The following NFATC3 variants were observed in gnomAD, a reference collection of about 807,000 sequenced individuals.
NFATC3 encodes nuclear factor of activated T cells 3.
A neutral mutation model predicts 98.6 loss-of-function variants in NFATC3; 46 were observed. The observed-to-expected ratio is 0.47, with a 90% CI of 0.37 to 0.60. The LOEUF (loss-of-function observed/expected upper bound fraction) is 0.60. Among genes scored for constraint, NFATC3 ranks in the 20% least tolerant of loss-of-function variants. The pLI, the probability that NFATC3 is intolerant of heterozygous loss-of-function variation, is 0.00. For missense variants in NFATC3, 1,256 were observed against 1,295.5 expected, an observed-to-expected ratio of 0.97 and a Z score of 0.47; for synonymous variants, 512 against 472.2, an observed-to-expected ratio of 1.08 and a Z score of -1.09.
intron 9 of NFATC3, among the ~76,000 whole-genome samples, chr16:68,199,286 C>T (rs2040806817): frequency 6.8e-6 from 1 of 146,396 alleles, no homozygotes; most frequent in Non-Finnish European, 1.5e-5. Context: ...TGCAGTGGCG[C>T]GATCTTGGCT....
intron 9 of NFATC3, among the ~76,000 whole-genome samples, chr16:68,219,799 G>A (rs2041789486): frequency 6.6e-6 from 1 of 152,158 alleles, no homozygotes. Flanking sequence ...GTATATGGCA[G>A]TGTGTATCTA....
chr16:68,099,495 G>A (rs1160823564), intron 1 of NFATC3, among the ~76,000 whole-genome samples: 2 of 151,752 alleles, frequency 1.3e-5, no homozygotes, highest in Non-Finnish European at 2.9e-5. Flanking sequence ...CAGCTACTGG[G>A]AAGGCTGAGA....
rs1251607884 is a variant in NFATC3 at position 68,226,973 on chromosome 16, AC to A, written c.*503del. Reference sequence around the variant, plus strand: ...AAAAAGAAAAAAATATCCCAAGCCCACACCTATGCCTCAGAAAGTCAGCATG... The same window carrying A: ...AAAAAGAAAAAAATATCCCAAGCCCAACCTATGCCTCAGAAAGTCAGCATG... On this transcript the variant is annotated 3_prime_UTR_variant, in exon 10 of 10. Coordinates refer to ENST00000346183, the MANE Select transcript of NFATC3 (RefSeq NM_173165.3). 1 of 150,714 alleles carries A rather than the reference AC, an allele frequency of 6.6e-6. No individual in the cohort carries two copies. Among genetic ancestry groups the A allele is most frequent in the Non-Finnish European group, 1.5e-5 (1 of 67,738 alleles). The allele number at this position is 150,714 out of a possible 1,614,324, so 9.3% of individuals were successfully genotyped here.
intron 8 of NFATC3, among the ~76,000 whole-genome samples, chr16:68,190,372 G>T (rs2040384575): frequency 1.3e-5 from 2 of 152,238 alleles, no homozygotes; most frequent in Admixed American, 6.5e-5. Context: ...AGGCCCTAGG[G>T]CTTTGTTTTT....
chr16:68,190,894 C>T lies in NFATC3; in HGVS notation c.2225C>T (p.Ser742Leu). The T allele has an allele frequency of 4.3e-6, 7 of 1,614,214 alleles. No homozygotes were observed. Among genetic ancestry groups the T allele is most frequent in the Non-Finnish European group, 5.9e-6 (7 of 1,180,040 alleles). ...DSGCSHDSVL[S>L]GQRSLICSIP... ...GGGTGTTCACATGACAGTGTACTGT[C>T]AGGACAGAGAAGTTTGATTTGCTCC... The change falls in exon 9 of 10, where the codon TCA becomes TTA. Residue 742 changes from serine (S) to leucine (L), a missense_variant. Coordinates refer to ENST00000346183, the MANE Select transcript of NFATC3 (RefSeq NM_173165.3).
At chr16:68,108,616 T>C (rs1003196121) in intron 1 of NFATC3, among the ~76,000 whole-genome samples, 1 of 152,166 alleles carries the variant, frequency 6.6e-6, no homozygotes, top group Non-Finnish European at 1.5e-5. Flanking sequence ...CTGTGAAGAA[T>C]GTCAATAGTA....
At chr16:68,147,311 C>T (rs1039045013) in intron 3 of NFATC3, among the ~76,000 whole-genome samples, 1 of 152,066 alleles carries the variant, frequency 6.6e-6, no homozygotes, top group Non-Finnish European at 1.5e-5. Flanking sequence ...ATTTAACTAC[C>T]TCATTTTGAC....
intron 1 of NFATC3, among the ~76,000 whole-genome samples, chr16:68,108,159 C>G (rs2035762979): frequency 6.6e-6 from 1 of 152,128 alleles, no homozygotes; most frequent in Non-Finnish European, 1.5e-5. Flanking sequence ...TGCCTATGTC[C>G]TGAATGGTAT....
chr16:68,101,478 GTT>G (rs534378964), intron 1 of NFATC3, among the ~76,000 whole-genome samples: 1 of 138,858 alleles, frequency 7.2e-6, no homozygotes, highest in African/African-American at 2.6e-5. Flanking sequence ...ATAGTTTTAG[GTT>G]TTTTTTTTTG....
chr16:68,151,750 G>C (rs1425734295), intron 3 of NFATC3, among the ~76,000 whole-genome samples: 5 of 152,136 alleles, frequency 3.3e-5, no homozygotes, highest in Middle Eastern at 3.2e-3. Flanking sequence ...CTCCCCTGCA[G>C]AGGGTGATAC....
chr16:68,105,140 G>C (rs2035587088), intron 1 of NFATC3, among the ~76,000 whole-genome samples: 1 of 149,500 alleles, frequency 6.7e-6, no homozygotes, highest in Admixed American at 6.7e-5. Context: ...ACCCAGGCTG[G>C]AGTACACTGG....
chr16:68,154,708 G>A (rs948721878), intron 3 of NFATC3, among the ~76,000 whole-genome samples: 1 of 152,192 alleles, frequency 6.6e-6, no homozygotes, highest in Non-Finnish European at 1.5e-5. Context: ...AATATTAAGT[G>A]TGAAAGCCCT....
intron 9 of NFATC3, among the ~76,000 whole-genome samples, chr16:68,198,680 T>TGGGAGGATCGCTTGAGCCC (rs2040772508): frequency 6.6e-6 from 1 of 151,868 alleles, no homozygotes; most frequent in South Asian, 2.1e-4. Context: ...GAGGCCAAGA[T>TGGGAGGATCGCTTGAGCCC]GGGAGGATCG....
intron 2 of NFATC3, among the ~76,000 whole-genome samples, chr16:68,124,843 C>T (rs779429595): frequency 3.7e-4 from 57 of 152,296 alleles, no homozygotes; most frequent in Non-Finnish European, 6.2e-4. Context: ...ATTCTCCTGC[C>T]TCAGCCTCCC....
chr16:68,105,459 C>T (rs895748700), intron 1 of NFATC3, among the ~76,000 whole-genome samples: 1 of 151,974 alleles, frequency 6.6e-6, no homozygotes, highest in African/African-American at 2.4e-5. Context: ...GTTGAACCAC[C>T]CTTGCATTCC....
intron 1 of NFATC3, among the ~76,000 whole-genome samples, chr16:68,113,400 C>T (rs1464564220): frequency 6.6e-6 from 1 of 152,162 alleles, no homozygotes; most frequent in African/African-American, 2.4e-5. Flanking sequence ...ATTCATCTAC[C>T]CCCTCCTGCA....
rs149145404 is a variant in NFATC3, at chr16:68,165,154, A to G, written c.1602-1689A>G. ...AGACCCATGTTGGCATGTTAACATGAATAATCACTAATTTGATATAACTTG... is the reference window on the plus strand; with the variant it reads ...AGACCCATGTTGGCATGTTAACATGGATAATCACTAATTTGATATAACTTG... On this transcript the variant is annotated intron_variant, in intron 4 of 9. Transcript: ENST00000346183. 5.1e-3 allele frequency among the ~76,000 whole-genome samples: 770 copies of G among 152,238 alleles called. 8 individuals carry two copies. Among genetic ancestry groups the G allele is most frequent in the African/African-American group, 0.017 (703 of 41,542 alleles).
At chr16:68,118,158 ACTCT>A (rs1567506115) in intron 1 of NFATC3, among the ~76,000 whole-genome samples, 1 of 151,818 alleles carries the variant, frequency 6.6e-6, no homozygotes, top group Non-Finnish European at 1.5e-5. Flanking sequence ...AGCCCCGCTG[ACTCT>A]CTTTCTTTGC....
chr16:68,224,127 A>T (rs1466369005), intron 9 of NFATC3, among the ~76,000 whole-genome samples: 7 of 80,812 alleles, frequency 8.7e-5, no homozygotes, highest in East Asian at 3.3e-4. Flanking sequence ...GCACCAGTTT[A>T]AAAAAAAAAA....
Sources: allele counts gnomAD v4.1 joint callset (sites outside exome capture counted in the v4.1 genomes callset), GRCh38; gene constraint gnomAD v4.1.1; transcripts MANE v1.5; gene names NCBI Gene and HGNC (gene_info 2026-07-23, HGNC 2026-07-21).